CTNNA3: variants seen among roughly 807,000 people sequenced by gnomAD.
The protein encoded by CTNNA3 is catenin alpha-3.
In CTNNA3, 76 loss-of-function variants were observed where a neutral mutation model predicts 95.7. That is an observed-to-expected ratio of 0.79 (90% CI 0.66 to 0.96). CTNNA3 has a LOEUF of 0.96. CTNNA3 is among the 40% of genes least tolerant of loss of function. CTNNA3 has a pLI of 0.00. For missense variants in CTNNA3, 1,191 were observed against 1,089.8 expected (o/e 1.09, Z -1.31); for synonymous variants, 431 against 374.4 (o/e 1.15, Z -1.74).
chr10:66,690,473 C>A (rs1382895247), intron 9 of CTNNA3, among the ~76,000 whole-genome samples: 3 of 151,236 alleles, frequency 2.0e-5, no homozygotes, highest in African/African-American at 7.3e-5. Flanking sequence ...TATCCCTCCC[C>A]CGTCCCCCCA....
chr10:67,466,508 G>C (rs1436839154), intron 5 of CTNNA3, among the ~76,000 whole-genome samples: 1 of 152,102 alleles, frequency 6.6e-6, no homozygotes, highest in African/African-American at 2.4e-5. Context: ...AATCAGATAT[G>C]CAGAGCCAAA....
chr10:66,691,153 A>T (rs1321312929), intron 9 of CTNNA3, among the ~76,000 whole-genome samples: 12 of 152,166 alleles, frequency 7.9e-5, no homozygotes, highest in Non-Finnish European at 1.3e-4. Flanking sequence ...AAGCAGGGCA[A>T]GGCATTGCCT....
chr10:66,543,903 GTGTGTGTGTATA>G (rs1345310227), intron 10 of CTNNA3, among the ~76,000 whole-genome samples: 2,314 of 44,520 alleles, frequency 0.052, 107 homozygotes, highest in East Asian at 0.24. Context: ...CTTGAGATGT[GTGTGTGTGTATA>G]TATATATATA....
chr10:66,580,286 T>G (rs1240578315), intron 10 of CTNNA3, among the ~76,000 whole-genome samples: 1 of 151,784 alleles, frequency 6.6e-6, no homozygotes, highest in Admixed American at 6.6e-5. Context: ...TTTTTATTTT[T>G]AATTTTTATG....
At chr10:67,471,363 T>C (rs1053553562) in intron 5 of CTNNA3, among the ~76,000 whole-genome samples, 1 of 152,196 alleles carries the variant, frequency 6.6e-6, no homozygotes, top group Non-Finnish European at 1.5e-5. Flanking sequence ...TCTTGGAATA[T>C]CAGAACGTAA....
At chr10:67,637,134 G>T (rs1296860642) in intron 2 of CTNNA3, among the ~76,000 whole-genome samples, 1 of 152,132 alleles carries the variant, frequency 6.6e-6, no homozygotes, top group Non-Finnish European at 1.5e-5. Flanking sequence ...TAAACGAATG[G>T]CTAACTAGAA....
intron 1 of CTNNA3, among the ~76,000 whole-genome samples, chr10:67,661,261 G>GA (rs1469722782): frequency 7.5e-6 from 1 of 133,836 alleles, no homozygotes; most frequent in Non-Finnish European, 1.6e-5. Context: ...GAGAGAGAGA[G>GA]AAAAGGAAGG....
chr10:66,115,232 G>A (rs1423805784), intron 13 of CTNNA3, among the ~76,000 whole-genome samples: 2 of 151,846 alleles, frequency 1.3e-5, no homozygotes, highest in Non-Finnish European at 1.5e-5. Context: ...AAAATCTTTC[G>A]ATTGACAAGA....
At chr10:66,932,750 T>C (rs536061581) in intron 7 of CTNNA3, among the ~76,000 whole-genome samples, 2 of 152,210 alleles carry the variant, frequency 1.3e-5, no homozygotes, top group Non-Finnish European at 2.9e-5. Flanking sequence ...CTAATCATAA[T>C]AGCCTACAGA....
intron 13 of CTNNA3, among the ~76,000 whole-genome samples, chr10:66,240,328 T>C (rs1301303687): frequency 6.6e-6 from 1 of 152,082 alleles, no homozygotes; most frequent in Non-Finnish European, 1.5e-5. Flanking sequence ...AAACGGCTCA[T>C]TTGAAATTAT....
chr10:66,408,813 A>G (rs2093077431), intron 11 of CTNNA3, among the ~76,000 whole-genome samples: 1 of 152,200 alleles, frequency 6.6e-6, no homozygotes, highest in Admixed American at 6.5e-5. Flanking sequence ...TGAAATGAAT[A>G]TATAATTTAT....
At chr10:66,457,591 G>A (rs1464837859) in intron 11 of CTNNA3, among the ~76,000 whole-genome samples, 4 of 149,734 alleles carry the variant, frequency 2.7e-5, no homozygotes, top group African/African-American at 7.6e-5. Context: ...GCTGAAAAAC[G>A]AAAACAAGCC....
At chr10:67,295,872 T>C (rs1467886132) in intron 5 of CTNNA3, among the ~76,000 whole-genome samples, 1 of 152,232 alleles carries the variant, frequency 6.6e-6, no homozygotes, top group Non-Finnish European at 1.5e-5. Context: ...TTATCTCAGA[T>C]GCTGATACAA....
intron 14 of CTNNA3, among the ~76,000 whole-genome samples, chr10:66,074,253 A>G (rs2133616781): frequency 6.6e-6 from 1 of 151,850 alleles, no homozygotes; most frequent in South Asian, 2.1e-4. Context: ...CTATAAATTT[A>G]TTCATGTTTT....
chr10:66,572,360 T>C (rs10997240), intron 10 of CTNNA3, among the ~76,000 whole-genome samples: 4,541 of 148,086 alleles, frequency 0.031, 255 homozygotes, highest in African/African-American at 0.11. Context: ...TCCAGCCTGG[T>C]TGACAGAGGA....
chr10:67,736,819 T>C (rs1841305553), intron 1 of CTNNA3, among the ~76,000 whole-genome samples: 3 of 152,034 alleles, frequency 2.0e-5, no homozygotes, highest in Non-Finnish European at 1.5e-5. Flanking sequence ...GGCCTGACAT[T>C]TACAGAATAT....
At chr10:66,296,818 G>C (rs1369918684) in intron 12 of CTNNA3, among the ~76,000 whole-genome samples, 1 of 152,072 alleles carries the variant, frequency 6.6e-6, no homozygotes, top group Non-Finnish European at 1.5e-5. Flanking sequence ...ACAAGGCTTT[G>C]AAAGCTTGAT....
At chr10:66,767,000 A>G (rs1470879728) in intron 8 of CTNNA3, among the ~76,000 whole-genome samples, 1 of 152,034 alleles carries the variant, frequency 6.6e-6, no homozygotes. Context: ...AAACAACTAT[A>G]ACATTCTGCT....
At chr10:67,592,283 T>C (rs1468702793) in intron 3 of CTNNA3, among the ~76,000 whole-genome samples, 1 of 152,136 alleles carries the variant, frequency 6.6e-6, no homozygotes, top group African/African-American at 2.4e-5. Context: ...AATGTCCATG[T>C]ACCTTATTCC....
Sources: gnomAD v4.1 joint callset for allele counts (sites outside exome capture counted in the v4.1 genomes callset) on GRCh38, gnomAD v4.1.1 for gene constraint, MANE v1.5 for transcripts, NCBI Gene and HGNC (gene_info 2026-07-23, HGNC 2026-07-21) for gene names.